Variants in CFAP299 observed in about 807,000 individuals in gnomAD.
CFAP299 encodes cilia- and flagella-associated protein 299.
Under a neutral mutation model 27.0 loss-of-function variants are expected in CFAP299, and 21 were observed. That is an observed-to-expected ratio of 0.78 (90% CI 0.55 to 1.12). CFAP299 has a LOEUF of 1.12. Among genes scored for constraint, CFAP299 ranks in the 50% most tolerant of loss-of-function variants. CFAP299 has a pLI of 0.00. For synonymous variants in CFAP299, 104 were observed against 98.1 expected (o/e 1.06, Z -0.36); for missense variants, 310 against 276.6 (o/e 1.12, Z -0.86).
At chr4:80,799,776 T>G (rs1398417307) in intron 3 of CFAP299, among the ~76,000 whole-genome samples, 1 of 46,372 alleles carries the variant, frequency 2.2e-5, no homozygotes, top group African/African-American at 8.5e-5. Context: ...TATTATATGA[T>G]ATATATATTA....
intron 1 of CFAP299, among the ~76,000 whole-genome samples, chr4:80,354,639 C>T (rs1723175327): frequency 6.6e-6 from 1 of 152,018 alleles, no homozygotes; most frequent in Non-Finnish European, 1.5e-5. Context: ...ACCTAGTACC[C>T]ATAGTAGTTT....
chr4:80,831,795 T>C (rs920401284), intron 3 of CFAP299, among the ~76,000 whole-genome samples: 6 of 152,162 alleles, frequency 3.9e-5, no homozygotes, highest in African/African-American at 9.6e-5. Flanking sequence ...TTTTAGCATC[T>C]AATAATTTCC....
chr4:80,453,944 T>C (rs1370565467), intron 2 of CFAP299, among the ~76,000 whole-genome samples: 1 of 151,738 alleles, frequency 6.6e-6, no homozygotes, highest in Non-Finnish European at 1.5e-5. Context: ...ATTTTAGCTT[T>C]ATAGTTGCTT....
At chr4:80,608,110 T>C (rs1737771990) in intron 3 of CFAP299, among the ~76,000 whole-genome samples, 1 of 152,140 alleles carries the variant, frequency 6.6e-6, no homozygotes, top group African/African-American at 2.4e-5. Flanking sequence ...TATACACACA[T>C]ACTTATCTGT....
chr4:80,622,602 G>T (rs1456398309), intron 3 of CFAP299, among the ~76,000 whole-genome samples: 1 of 151,862 alleles, frequency 6.6e-6, no homozygotes, highest in African/African-American at 2.4e-5. Context: ...TAATAACTTT[G>T]CATTTCTCAC....
intron 3 of CFAP299, among the ~76,000 whole-genome samples, chr4:80,740,796 G>A (rs1001741780): frequency 1.3e-5 from 2 of 152,054 alleles, no homozygotes; most frequent in African/African-American, 2.4e-5. Flanking sequence ...GCCTTTCCTG[G>A]TATAAGCCTC....
chr4:80,502,751 C>CTTTGTCTTTCACTTGACAAG (rs1731806636), intron 2 of CFAP299, among the ~76,000 whole-genome samples: 1 of 152,072 alleles, frequency 6.6e-6, no homozygotes, highest in Non-Finnish European at 1.5e-5. Context: ...TCGTCCACTT[C>CTTTGTCTTTCACTTGACAAG]TTTGTCTTTC....
At chr4:80,648,219 C>G (rs1179710321) in intron 3 of CFAP299, among the ~76,000 whole-genome samples, 1 of 151,992 alleles carries the variant, frequency 6.6e-6, no homozygotes, top group African/African-American at 2.4e-5. Flanking sequence ...TAAAAAGTAC[C>G]TTTAGGTTCC....
At chr4:80,705,771 G>C (rs974344685) in intron 3 of CFAP299, among the ~76,000 whole-genome samples, 3 of 151,848 alleles carry the variant, frequency 2.0e-5, no homozygotes, top group Admixed American at 6.6e-5. Flanking sequence ...AACAATTGGA[G>C]ACTGATGAAT....
upstream of CFAP299, among the ~76,000 whole-genome samples, chr4:80,333,812 TG>T (rs1471310421): frequency 6.6e-6 from 1 of 152,228 alleles, no homozygotes; most frequent in Non-Finnish European, 1.5e-5. Flanking sequence ...TAGGAATGCA[TG>T]TTATCCAAAA....
intron 2 of CFAP299, among the ~76,000 whole-genome samples, chr4:80,422,796 A>G (rs1465713811): frequency 6.6e-6 from 1 of 152,212 alleles, no homozygotes. Context: ...GTTTCTTTAC[A>G]TTAAAACCTA....
intron 2 of CFAP299, among the ~76,000 whole-genome samples, chr4:80,429,101 A>T (rs1727677444): frequency 6.6e-6 from 1 of 152,218 alleles, no homozygotes; most frequent in African/African-American, 2.4e-5. Context: ...TTTCTCTGGC[A>T]AATTGCCTGT....
At chr4:80,448,352 A>T (rs138355979) in intron 2 of CFAP299, among the ~76,000 whole-genome samples, 1 of 152,314 alleles carries the variant, frequency 6.6e-6, no homozygotes. Flanking sequence ...TATAATCATC[A>T]TCCTATTTAT....
At chr4:80,338,851 T>C (rs1722292173) in intron 1 of CFAP299, among the ~76,000 whole-genome samples, 1 of 152,256 alleles carries the variant, frequency 6.6e-6, no homozygotes, top group African/African-American at 2.4e-5. Flanking sequence ...TAGTATATTC[T>C]GCTCCCAAAA....
At chr4:80,608,564 A>T (rs961189259) in intron 3 of CFAP299, among the ~76,000 whole-genome samples, 5 of 152,066 alleles carry the variant, frequency 3.3e-5, no homozygotes, top group African/African-American at 1.2e-4. Context: ...ATTTTCCAGA[A>T]TTTTTTTAGG....
chr4:80,574,261 T>G (rs1331986354), intron 2 of CFAP299, among the ~76,000 whole-genome samples: 2 of 152,138 alleles, frequency 1.3e-5, no homozygotes, highest in Non-Finnish European at 2.9e-5. Context: ...ATTATTCACT[T>G]TTGATATATG....
At chr4:80,916,296 T>TATATATATATATA (rs1578236267) in intron 4 of CFAP299, among the ~76,000 whole-genome samples, 384 of 130,492 alleles carry the variant, frequency 2.9e-3, no homozygotes, top group Non-Finnish European at 4.1e-3. Flanking sequence ...TATATATATA[T>TATATATATATATA]TTCAGGTACA....
At chr4:80,642,422 G>T (rs1003944891) in intron 3 of CFAP299, among the ~76,000 whole-genome samples, 4 of 152,036 alleles carry the variant, frequency 2.6e-5, no homozygotes, top group African/African-American at 9.7e-5. Context: ...AGAATTTCTG[G>T]GATCCACAGT....
chr4:80,612,078 A>ATT (rs34203264), intron 3 of CFAP299, among the ~76,000 whole-genome samples: 13 of 149,174 alleles, frequency 8.7e-5, no homozygotes, highest in African/African-American at 2.7e-4. Flanking sequence ...AGTATGTGCC[A>ATT]TTTTTTTTTT....
Sources: gnomAD v4.1 joint callset for allele counts (sites outside exome capture counted in the v4.1 genomes callset) on GRCh38, gnomAD v4.1.1 for gene constraint, MANE v1.5 for transcripts, NCBI Gene and HGNC (gene_info 2026-07-23, HGNC 2026-07-21) for gene names.